The following SCD5 variants were observed in gnomAD, a reference collection of about 807,000 sequenced individuals.
SCD5 encodes acyl-CoA-desaturase 4.
SCD5 carries 20 observed loss-of-function variants against 30.4 expected under a neutral mutation model. That is an observed-to-expected ratio of 0.66 (90% CI 0.46 to 0.96). SCD5 has a LOEUF of 0.96. Among genes scored for constraint, SCD5 ranks in the 40% least tolerant of loss-of-function variants. The probability of loss-of-function intolerance (pLI) is 0.00; values close to 1 mark genes in which losing one functional copy is unlikely to be tolerated. For synonymous variants in SCD5, 173 were observed against 176.4 expected, an observed-to-expected ratio of 0.98 and a Z score of 0.16; for missense variants, 381 against 443.3, an observed-to-expected ratio of 0.86 and a Z score of 1.26.
chr4:82,756,855 A>C (rs910292273), intron 1 of SCD5, among the ~76,000 whole-genome samples: 1 of 152,012 alleles, frequency 6.6e-6, no homozygotes, highest in Non-Finnish European at 1.5e-5. Flanking sequence ...CTGCATATCA[A>C]GACATGAAAC....
intron 3 of SCD5, among the ~76,000 whole-genome samples, chr4:82,665,093 A>C (rs1728153194): frequency 7.0e-6 from 1 of 143,268 alleles, no homozygotes; most frequent in Admixed American, 7.0e-5. Flanking sequence ...TTTTAATTTA[A>C]TCAGGCATGG....
At chr4:82,788,923 G>C (rs1288897266) in intron 1 of SCD5, among the ~76,000 whole-genome samples, 3 of 152,140 alleles carry the variant, frequency 2.0e-5, no homozygotes, top group African/African-American at 7.2e-5. Flanking sequence ...TGGCATTTCT[G>C]GGTCATCCTA....
At chr4:82,785,539 G>A (rs1721967576) in intron 1 of SCD5, among the ~76,000 whole-genome samples, 1 of 152,148 alleles carries the variant, frequency 6.6e-6, no homozygotes, top group Admixed American at 6.5e-5. Context: ...TCACCTCCTT[G>A]AGAATTACTC....
At chr4:82,676,658 G>T (rs376965142) in intron 3 of SCD5, among the ~76,000 whole-genome samples, 25 of 152,316 alleles carry the variant, frequency 1.6e-4, no homozygotes, top group African/African-American at 5.5e-4. Context: ...TAGGAATCCA[G>T]GGCCTGGCCC....
intron 1 of SCD5, among the ~76,000 whole-genome samples, chr4:82,783,835 A>G (rs1721931465): frequency 6.6e-6 from 1 of 151,876 alleles, no homozygotes; most frequent in Non-Finnish European, 1.5e-5. Flanking sequence ...ATTAAAATTA[A>G]AAAAAAGAAA....
intron 1 of SCD5, among the ~76,000 whole-genome samples, chr4:82,723,929 T>A (rs1053251090): frequency 1.3e-5 from 2 of 152,238 alleles, no homozygotes; most frequent in Admixed American, 6.5e-5. Context: ...TGAGGACACA[T>A]GAAATCTGAA....
Position 82,636,912 on chromosome 4 carries a change from C to A in SCD5, c.570-89G>T, listed in dbSNP as rs531461463. On this transcript the variant is annotated intron_variant, in intron 3 of 4. Coordinates refer to ENST00000319540, the MANE Select transcript of SCD5 (RefSeq NM_001037582.3). ...AGTCACAGGAAAAGTCAGAAAAAAG[C>A]CCAGGGAGAGAACTGTGCCAGTCAG... 5.3e-6 allele frequency: 6 copies of A among 1,134,110 alleles called. No individual in the cohort carries two copies. In the East Asian group the frequency reaches 1.5e-4, roughly 29 times the overall value. 70.3% of individuals were successfully genotyped at this position (1,134,110 alleles called of 1,614,324 possible). A position where few individuals can be genotyped will look rare whatever the true frequency, so the allele number is the denominator to read the frequency against.
At chr4:82,735,322 G>A (rs564520063) in intron 1 of SCD5, among the ~76,000 whole-genome samples, 213 of 152,216 alleles carry the variant, frequency 1.4e-3, no homozygotes, top group African/African-American at 5.0e-3. Flanking sequence ...AGATCTGAAT[G>A]ACTGTGTGTG....
intron 3 of SCD5, among the ~76,000 whole-genome samples, chr4:82,640,694 T>TA (rs1300397999): frequency 6.6e-6 from 1 of 152,172 alleles, no homozygotes; most frequent in Non-Finnish European, 1.5e-5. Context: ...CTGGTCTCCT[T>TA]TTAATAACAG....
intron 1 of SCD5, among the ~76,000 whole-genome samples, chr4:82,778,982 T>G (rs1721812160): frequency 6.6e-6 from 1 of 151,860 alleles, no homozygotes; most frequent in Non-Finnish European, 1.5e-5. Context: ...TTCTCCTGCC[T>G]CAGCTCCCAA....
At chr4:82,679,226 A>AAGAAAGAAAGAAAGAGAGAG (rs1560531612) in intron 3 of SCD5, among the ~76,000 whole-genome samples, 13 of 90,314 alleles carry the variant, frequency 1.4e-4, no homozygotes, top group Non-Finnish European at 2.5e-4. Context: ...AAAGAAAAGA[A>AAGAAAGAAAGAAAGAGAGAG]AGAAAGAAAG....
At chr4:82,752,125 G>A (rs946434860) in intron 1 of SCD5, among the ~76,000 whole-genome samples, 2 of 152,024 alleles carry the variant, frequency 1.3e-5, no homozygotes, top group Non-Finnish European at 1.5e-5. Flanking sequence ...ACCATCACAA[G>A]GCCTGAAGTA....
At chr4:82,753,217 C>A in intron 1 of SCD5, 1 of 420,932 alleles carries the variant, frequency 2.4e-6, no homozygotes, top group Non-Finnish European at 4.9e-6. Flanking sequence ...GTGAGAGTTA[C>A]CTGGGGAGCT....
At chr4:82,744,761 C>T (rs1275705960) in intron 1 of SCD5, among the ~76,000 whole-genome samples, 1 of 151,834 alleles carries the variant, frequency 6.6e-6, no homozygotes, top group African/African-American at 2.4e-5. Context: ...TGCTAGTCTT[C>T]GAGAAGTTAT....
In SCD5 at chr4:82,794,824, A is replaced by G. The variant is rs376715005; in HGVS notation, c.232+3482T>C. Among the ~76,000 whole-genome samples, 9 of 151,144 alleles carry G rather than the reference A, an allele frequency of 6.0e-5. No individual in the cohort carries two copies. In the East Asian group the frequency reaches 1.6e-3, roughly 26 times the overall value. ...ACCACCACGCCCGGCTAATTTTTGT[A>G]TTTTTTTTAGTAGAGATGGGGTTTC... On this transcript the variant is annotated intron_variant, in intron 1 of 4. Coordinates refer to ENST00000319540, the MANE Select transcript of SCD5 (RefSeq NM_001037582.3).
chr4:82,731,358 A>C (rs4693507), intron 1 of SCD5, among the ~76,000 whole-genome samples: 1 of 152,056 alleles, frequency 6.6e-6, no homozygotes, highest in South Asian at 2.1e-4. Flanking sequence ...CACAGAGCAG[A>C]CCACTTGAAG....
At chr4:82,705,046 G>A (rs539192038) in intron 2 of SCD5, among the ~76,000 whole-genome samples, 2 of 152,358 alleles carry the variant, frequency 1.3e-5, no homozygotes, top group African/African-American at 4.8e-5. Flanking sequence ...TCTGGATAGA[G>A]GAGTCTCCTT....
Position 82,777,574 on chromosome 4 carries a change from C to A in SCD5, c.232+20732G>T, listed in dbSNP as rs540170876. Among the ~76,000 whole-genome samples, 4 of 152,300 alleles carry A rather than the reference C, an allele frequency of 2.6e-5. No individual in the cohort carries two copies. In the East Asian group the frequency reaches 7.7e-4, roughly 29 times the overall value. ...ACACAGGGCCCCATCCTTAGGAGGG[C>A]CTCATGCGTGGTTAAATGCACTGCT... On this transcript the variant is annotated intron_variant, in intron 1 of 4. Transcript: ENST00000319540.
Position 82,631,482 on chromosome 4 carries a change from A to C in SCD5, c.838T>G (p.Phe280Val), listed in dbSNP as rs760967367. ...CCAAATTCACTCGCAGAGTAGTCAA[A>C]GGGAAAGGTGTGATGGTAATTATGG... Reference protein sequence around the residue: ...GFHNYHHTFPFDYSASEFGLN... With the variant: ...GFHNYHHTFPVDYSASEFGLN... The change falls in exon 5 of 5, where the codon TTT becomes GTT. Residue 280 changes from phenylalanine (F) to valine (V), a missense_variant. Transcript: ENST00000319540. The C allele has an allele frequency of 6.2e-7, 1 of 1,614,254 alleles. No homozygotes were observed. Among genetic ancestry groups the C allele is most frequent in the South Asian group, 1.1e-5 (1 of 91,090 alleles).
Sources: gnomAD v4.1 joint callset for allele counts (sites outside exome capture counted in the v4.1 genomes callset) on GRCh38, gnomAD v4.1.1 for gene constraint, MANE v1.5 for transcripts, NCBI Gene and HGNC (gene_info 2026-07-23, HGNC 2026-07-21) for gene names.